WDR7: variants seen among roughly 807,000 people sequenced by gnomAD.
WDR7 encodes WD repeat domain 7, also known as WD repeat-containing protein 7.
WDR7 carries 46 observed loss-of-function variants against 169.4 expected under a neutral mutation model. That is an observed-to-expected ratio of 0.27 (90% CI 0.21 to 0.35). The LOEUF (loss-of-function observed/expected upper bound fraction) is 0.35, where lower values mean the gene tolerates loss of function less well. Ranked by LOEUF, WDR7 falls within the 10% of genes least tolerant of loss-of-function variation. The pLI is 1.00. For missense variants in WDR7, 1,534 were observed against 1,859.3 expected (o/e 0.83, Z 3.22); for synonymous variants, 612 against 666.8 (o/e 0.92, Z 1.27).
At chr18:56,965,494 C>CA (rs1166787630) in intron 26 of WDR7, among the ~76,000 whole-genome samples, 1 of 150,218 alleles carries the variant, frequency 6.7e-6, no homozygotes, top group East Asian at 1.9e-4. Context: ...ACAGATTATG[C>CA]AAAACCACAG....
At chr18:56,848,447 G>A (rs1184803472) in intron 20 of WDR7, among the ~76,000 whole-genome samples, 3 of 152,184 alleles carry the variant, frequency 2.0e-5, no homozygotes, top group Admixed American at 6.5e-5. Context: ...ATGCTGGAAC[G>A]AGTTAAGACT....
At chr18:56,856,459 G>A (rs192454423) in intron 20 of WDR7, among the ~76,000 whole-genome samples, 269 of 152,148 alleles carry the variant, frequency 1.8e-3, no homozygotes, top group African/African-American at 6.1e-3. Flanking sequence ...GCTTGAACTG[G>A]GGAAGTGGAG....
At chr18:57,010,633 T>C (rs1487159071) in intron 26 of WDR7, among the ~76,000 whole-genome samples, 13 of 151,872 alleles carry the variant, frequency 8.6e-5, no homozygotes, top group Non-Finnish European at 1.0e-4. Context: ...TGATTCTATA[T>C]AATTAATCAT....
chr18:56,815,590 C>T lies in WDR7; in HGVS notation c.3191-441C>T, dbSNP rs80273428. On this transcript the variant is annotated intron_variant, in intron 19 of 27. Coordinates refer to ENST00000254442, the MANE Select transcript of WDR7 (RefSeq NM_015285.3). ...GTGTTTCAGGTCCGTTACTTAGCCC[C>T]AGGGCACAAATTCTTCTGTCTTCAT... 1.0e-3 allele frequency among the ~76,000 whole-genome samples: 155 copies of T among 152,206 alleles called. 1 individual carries two copies. The East Asian group carries it at 0.028, about 28-fold the overall frequency.
chr18:56,670,603 C>T (rs1296399994), intron 1 of WDR7, among the ~76,000 whole-genome samples: 3 of 152,070 alleles, frequency 2.0e-5, no homozygotes, highest in East Asian at 1.9e-4. Flanking sequence ...CTCTGCCTCC[C>T]GGGTTCAAGT....
At chr18:56,931,020 T>A (rs985862793) in intron 22 of WDR7, among the ~76,000 whole-genome samples, 11 of 152,232 alleles carry the variant, frequency 7.2e-5, no homozygotes, top group Admixed American at 3.3e-4. Context: ...CTGCGTGGAC[T>A]ATTTTTCCAT....
At chr18:56,718,869 CCTTTT>C (rs1479505013) in intron 13 of WDR7, among the ~76,000 whole-genome samples, 3 of 152,204 alleles carry the variant, frequency 2.0e-5, no homozygotes, top group South Asian at 4.1e-4. Context: ...TAGATTTTTT[CCTTTT>C]CTTCGTCTTT....
At chr18:56,817,445 A>G (rs1037011211) in intron 20 of WDR7, among the ~76,000 whole-genome samples, 1 of 152,128 alleles carries the variant, frequency 6.6e-6, no homozygotes, top group Admixed American at 6.5e-5. Flanking sequence ...ACATGGGAAG[A>G]AGAAAGTCTA....
chr18:56,692,167 CAT>C (rs1462433530), intron 9 of WDR7, among the ~76,000 whole-genome samples: 136 of 152,278 alleles, frequency 8.9e-4, no homozygotes, highest in African/African-American at 3.1e-3. Context: ...GAAGAGCACA[CAT>C]AGTTATGTAA....
intron 25 of WDR7, among the ~76,000 whole-genome samples, chr18:56,950,264 A>G (rs148472148): frequency 2.6e-5 from 4 of 152,316 alleles, no homozygotes; most frequent in African/African-American, 4.8e-5. Context: ...CTTTTTCATC[A>G]TGGATATTCT....
chr18:56,695,843 G>A (rs1304837989), intron 11 of WDR7, among the ~76,000 whole-genome samples: 2 of 152,066 alleles, frequency 1.3e-5, no homozygotes, highest in African/African-American at 2.4e-5. Flanking sequence ...AACCATACCT[G>A]TAATTTCCTA....
At chr18:57,024,979 A>G (rs75631227) in intron 27 of WDR7, among the ~76,000 whole-genome samples, 16,785 of 107,532 alleles carry the variant, frequency 0.16, 3,059 homozygotes, top group African/African-American at 0.22. Context: ...GACCAAAGGC[A>G]TTTATCAAAG....
At position 56,664,790 on chromosome 18, in the gene WDR7, G is replaced by C. The variant is rs566274129; in HGVS notation, c.-19-7707G>C. Among the ~76,000 whole-genome samples, 5 of 152,302 alleles carry C rather than the reference G, an allele frequency of 3.3e-5. No individual in the cohort carries two copies. In the South Asian group the frequency reaches 1.0e-3, roughly 32 times the overall value. On this transcript the variant is annotated intron_variant, in intron 1 of 27. Transcript: ENST00000254442. ...ATTTTATCCTTGAGAAACATAGGCT[G>C]TACAAATGAATGAGTGGTATGCATC...
chr18:56,669,814 C>T (rs2144508057), intron 1 of WDR7, among the ~76,000 whole-genome samples: 1 of 152,214 alleles, frequency 6.6e-6, no homozygotes, highest in East Asian at 1.9e-4. Context: ...CTGTGACTTG[C>T]TTACTTCCAC....
intron 20 of WDR7, among the ~76,000 whole-genome samples, chr18:56,858,284 A>G (rs1456252269): frequency 6.6e-6 from 1 of 151,884 alleles, no homozygotes. Context: ...CACTGCCACT[A>G]CCCTTTTAGT....
At chr18:56,797,509 T>C (rs2044604115) in intron 19 of WDR7, among the ~76,000 whole-genome samples, 1 of 151,710 alleles carries the variant, frequency 6.6e-6, no homozygotes, top group Non-Finnish European at 1.5e-5. Context: ...TTATATACCA[T>C]TTTATATTTT....
At chr18:56,792,610 T>TG (rs1240529756) in intron 19 of WDR7, among the ~76,000 whole-genome samples, 4 of 99,242 alleles carry the variant, frequency 4.0e-5, no homozygotes, top group African/African-American at 1.4e-4. Flanking sequence ...TTTTAAATCT[T>TG]TGTTTTTTTT....
chr18:56,806,837 C>G (rs1014259502), intron 19 of WDR7, among the ~76,000 whole-genome samples: 1 of 152,136 alleles, frequency 6.6e-6, no homozygotes, highest in Non-Finnish European at 1.5e-5. Flanking sequence ...GAACATTGCA[C>G]TGTTTCCTAT....
chr18:56,759,992 A>G (rs2043957212), intron 16 of WDR7, among the ~76,000 whole-genome samples: 1 of 152,106 alleles, frequency 6.6e-6, no homozygotes, highest in African/African-American at 2.4e-5. Context: ...TTTCTATGCC[A>G]TTTCTATCCA....
Sources: allele counts gnomAD v4.1 joint callset (sites outside exome capture counted in the v4.1 genomes callset), GRCh38; gene constraint gnomAD v4.1.1; transcripts MANE v1.5; gene names NCBI Gene and HGNC (gene_info 2026-07-23, HGNC 2026-07-21).